MAP4K3: variants seen among roughly 807,000 people sequenced by gnomAD.
MAP4K3 encodes the protein mitogen-activated protein kinase kinase kinase kinase 3, also known as MAPK/ERK kinase kinase kinase 3.
Under a neutral mutation model 143.5 loss-of-function variants are expected in MAP4K3, and 94 were observed. The ratio of observed to expected loss-of-function variants is 0.65; its 90% CI spans 0.55 to 0.78. MAP4K3 has a LOEUF of 0.78. Ranked by LOEUF, MAP4K3 falls within the 30% of genes least tolerant of loss-of-function variation. The pLI is 0.00. For synonymous variants in MAP4K3, 416 were observed against 347.2 expected (o/e 1.20, Z -2.20); for missense variants, 1,077 against 1,068.1 (o/e 1.01, Z -0.12).
At chr2:39,322,292 C>T (rs1189016078) in intron 12 of MAP4K3, among the ~76,000 whole-genome samples, 1 of 152,116 alleles carries the variant, frequency 6.6e-6, no homozygotes, top group Admixed American at 6.5e-5. Flanking sequence ...TATTAATGAA[C>T]ATGGATGAAA....
chr2:39,372,507 A>G (rs72927143), intron 2 of MAP4K3, among the ~76,000 whole-genome samples: 10,550 of 151,570 alleles, frequency 0.07, 1,254 homozygotes, highest in African/African-American at 0.24. Context: ...AAAAAAAAAG[A>G]AACTGTAGGA....
intron 12 of MAP4K3, among the ~76,000 whole-genome samples, chr2:39,317,438 G>A (rs1040791680): frequency 1.3e-5 from 2 of 151,800 alleles, no homozygotes; most frequent in Admixed American, 6.6e-5. Context: ...AAACAGGTTC[G>A]GCACAGCAAA....
At chr2:39,347,357 T>A (rs1231322217) in intron 3 of MAP4K3, among the ~76,000 whole-genome samples, 1 of 152,180 alleles carries the variant, frequency 6.6e-6, no homozygotes, top group Admixed American at 6.5e-5. Context: ...CTCTAAAATA[T>A]CTTCACATCT....
rs536659449 is a variant in MAP4K3 at position 39,378,698 on chromosome 2, T to G, written c.97-575A>C. Reference sequence around the variant, plus strand: ...TATATAATTATGAAAACAGGCCCCCTGCATCCTTTTAAACACACCTGATGG... The same window carrying G: ...TATATAATTATGAAAACAGGCCCCCGGCATCCTTTTAAACACACCTGATGG... On this transcript the variant is annotated intron_variant, in intron 1 of 33. Transcript: ENST00000263881. Among the ~76,000 whole-genome samples, 4 of 152,212 alleles carry G rather than the reference T, an allele frequency of 2.6e-5. No individual in the cohort carries two copies. In the East Asian group the frequency reaches 5.8e-4, roughly 22 times the overall value.
intron 27 of MAP4K3, 133 bp downstream of exon 27, chr2:39,267,056 C>T (rs2302749): frequency 0.79 from 605,700 of 768,258 alleles, 246,427 homozygotes; most frequent in Non-Finnish European, 0.85. Flanking sequence ...AGAGATGAAA[C>T]AGCCAAGAAA....
intron 1 of MAP4K3, among the ~76,000 whole-genome samples, chr2:39,394,322 A>G (rs1666747255): frequency 6.6e-6 from 1 of 152,190 alleles, no homozygotes; most frequent in South Asian, 2.1e-4. Flanking sequence ...AACAACTTCT[A>G]AGGACACGTT....
chr2:39,295,892 T>C (rs956570762), intron 16 of MAP4K3, among the ~76,000 whole-genome samples: 1 of 152,080 alleles, frequency 6.6e-6, no homozygotes, highest in South Asian at 2.1e-4. Context: ...CTAATTTTTG[T>C]ATTTTCAGTA....
At chr2:39,359,162 G>T (rs79908730) in intron 2 of MAP4K3, among the ~76,000 whole-genome samples, 7,826 of 152,244 alleles carry the variant, frequency 0.051, 354 homozygotes, top group African/African-American at 0.12. Context: ...GGTAAATACA[G>T]CTGTTCCAAT....
At chr2:39,401,663 T>C (rs1455532439) in intron 1 of MAP4K3, among the ~76,000 whole-genome samples, 1 of 151,748 alleles carries the variant, frequency 6.6e-6, no homozygotes, top group Non-Finnish European at 1.5e-5. Context: ...AAGCCAGGCA[T>C]GGTGGCCCGT....
intron 1 of MAP4K3, among the ~76,000 whole-genome samples, chr2:39,421,658 T>C (rs1195812083): frequency 6.6e-6 from 1 of 152,174 alleles, no homozygotes; most frequent in Non-Finnish European, 1.5e-5. Context: ...GTACATAGTA[T>C]ATACTCTATA....
intron 1 of MAP4K3, among the ~76,000 whole-genome samples, chr2:39,410,570 C>T (rs781682761): frequency 2.0e-5 from 3 of 152,114 alleles, no homozygotes; most frequent in South Asian, 2.1e-4. Flanking sequence ...GGAACACATA[C>T]ACAAGTGTGT....
intron 29 of MAP4K3, among the ~76,000 whole-genome samples, chr2:39,259,033 C>A (rs1265061338): frequency 1.4e-5 from 2 of 143,516 alleles, no homozygotes; most frequent in Non-Finnish European, 3.0e-5. Flanking sequence ...GCGCCTGCTG[C>A]TCAGGCCGAA....
intron 14 of MAP4K3, among the ~76,000 whole-genome samples, chr2:39,308,884 C>A (rs1490988290): frequency 6.6e-6 from 1 of 151,830 alleles, no homozygotes; most frequent in Non-Finnish European, 1.5e-5. Context: ...TGACTCTACT[C>A]TAATGTTTGG....
At chr2:39,414,682 T>C (rs1667322335) in intron 1 of MAP4K3, among the ~76,000 whole-genome samples, 1 of 152,170 alleles carries the variant, frequency 6.6e-6, no homozygotes, top group African/African-American at 2.4e-5. Flanking sequence ...GAGACCATCC[T>C]GGCTAACACG....
intron 2 of MAP4K3, among the ~76,000 whole-genome samples, chr2:39,371,829 A>G (rs538272109): frequency 6.6e-6 from 1 of 151,484 alleles, no homozygotes; most frequent in East Asian, 1.9e-4. Context: ...ATATATGTAT[A>G]TATATACGTA....
chr2:39,354,679 A>C (rs903260836), intron 3 of MAP4K3, among the ~76,000 whole-genome samples: 3 of 151,890 alleles, frequency 2.0e-5, no homozygotes, highest in Non-Finnish European at 4.4e-5. Flanking sequence ...CAAACAAAAA[A>C]AAAACAAAAA....
At chr2:39,356,495 T>C (rs1665614794) in intron 2 of MAP4K3, among the ~76,000 whole-genome samples, 156 bp from the exon 3 acceptor site, 1 of 152,252 alleles carries the variant, frequency 6.6e-6, no homozygotes, top group Non-Finnish European at 1.5e-5. Flanking sequence ...GTATTACTTT[T>C]AATGACAATT....
chr2:39,266,415 T>A (rs1680766014), intron 27 of MAP4K3, among the ~76,000 whole-genome samples: 1 of 152,240 alleles, frequency 6.6e-6, no homozygotes, highest in Non-Finnish European at 1.5e-5. Context: ...GGCCAATGGC[T>A]CACACTCATC....
intron 2 of MAP4K3, among the ~76,000 whole-genome samples, chr2:39,360,522 A>C (rs1406554710): frequency 6.6e-6 from 1 of 152,128 alleles, no homozygotes; most frequent in African/African-American, 2.4e-5. Context: ...CCAGATTTTC[A>C]GGTATCTTTA....
Sources: gnomAD v4.1 joint callset for allele counts (sites outside exome capture counted in the v4.1 genomes callset) on GRCh38, gnomAD v4.1.1 for gene constraint, MANE v1.5 for transcripts, NCBI Gene and HGNC (gene_info 2026-07-23, HGNC 2026-07-21) for gene names.